HDHD3: variants seen among roughly 807,000 people sequenced by gnomAD.
HDHD3 encodes haloacid dehalogenase-like hydrolase domain-containing protein 3.
HDHD3 carries 6 observed loss-of-function variants against 6.9 expected under a neutral mutation model. The ratio of observed to expected loss-of-function variants is 0.87; its 90% CI spans 0.48 to 1.72. The LOEUF (loss-of-function observed/expected upper bound fraction) is 1.72, where lower values mean the gene tolerates loss of function less well. Ranked by LOEUF, HDHD3 falls within the 40% of genes most tolerant of loss-of-function variation. The pLI is 0.01. For synonymous variants in HDHD3, 139 were observed against 140.7 expected, an observed-to-expected ratio of 0.99 and a Z score of 0.08; for missense variants, 308 against 327.4, an observed-to-expected ratio of 0.94 and a Z score of 0.46.
Position 113,374,524 on chromosome 9 carries a change from A to C in HDHD3, c.-170T>G. 2.0e-6 allele frequency: 1 copy of C among 491,480 alleles called. No homozygotes were observed. The highest frequency in any genetic ancestry group is 3.4e-6 in the Non-Finnish European group (1 of 293,538). The allele number at this position is 491,480 out of a possible 1,614,324, so 30.4% of individuals were successfully genotyped here. ...CACTTGGGAAATGTCTTCACAGCACAAGATCCTAGAATGAAAAATAGCAGG... is the reference window on the plus strand; with the variant it reads ...CACTTGGGAAATGTCTTCACAGCACCAGATCCTAGAATGAAAAATAGCAGG... On this transcript the variant is annotated 5_prime_UTR_variant, in exon 3 of 3. Transcript: ENST00000374180.
intron 1 of HDHD3, among the ~76,000 whole-genome samples, chr9:113,376,376 G>C (rs1834463332): frequency 8.8e-6 from 1 of 113,774 alleles, no homozygotes; most frequent in Non-Finnish European, 1.7e-5. Context: ...TTTTGAGACA[G>C]AGTCTCACTC....
In HDHD3 at chr9:113,373,490, GGA is replaced by G; in HGVS notation, c.*107_*108del. On this transcript the variant is annotated 3_prime_UTR_variant, in exon 3 of 3. Coordinates refer to ENST00000374180, the MANE Select transcript of HDHD3 (RefSeq NM_001304509.2). ...TCACAGTAGGTGACAAAGGCCGCAG[GGA>G]GAGGGGGAAAGGTCCAGAGCTGTGG... is the stretch of plus-strand genomic sequence containing the variant. The G allele has an allele frequency of 1.6e-6, 2 of 1,219,580 alleles. No individual in the cohort carries two copies. The highest frequency in any genetic ancestry group is 4.7e-5 in the East Asian group (2 of 42,424). The allele number at this position is 1,219,580 out of a possible 1,614,324, so 75.5% of individuals were successfully genotyped here. A position where few individuals can be genotyped will look rare whatever the true frequency, so the allele number is the denominator to read the frequency against.
At chr9:113,375,275 A>C (rs1834432702) in intron 2 of HDHD3, among the ~76,000 whole-genome samples, 178 bp downstream of exon 2, 1 of 152,256 alleles carries the variant, frequency 6.6e-6, no homozygotes, top group South Asian at 2.1e-4. Context: ...GCAAGTGCAA[A>C]GGCCCTGAGG....
chr9:113,376,590 T>TTTCCCCCCCCCCCCCCCCC (rs137860074), intron 1 of HDHD3, 139 bp downstream of exon 1: 2 of 134,288 alleles, frequency 1.5e-5, no homozygotes, highest in African/African-American at 3.0e-5. Context: ...CTCGTGATCC[T>TTTCCCCCCCCCCCCCCCCC]CCCCCGCCCC....
chr9:113,373,534 C>T lies in HDHD3; in HGVS notation c.*65G>A. 1 of 1,483,754 alleles carries T rather than the reference C, an allele frequency of 6.7e-7. No individual in the cohort carries two copies. Among genetic ancestry groups the T allele is most frequent in the South Asian group, 1.4e-5 (1 of 74,028 alleles). 91.9% of individuals were successfully genotyped at this position (1,483,754 alleles called of 1,614,324 possible). On this transcript the variant is annotated 3_prime_UTR_variant, in exon 3 of 3. Coordinates refer to ENST00000374180, the MANE Select transcript of HDHD3 (RefSeq NM_001304509.2). ...GAGCTGTGGAGAAAGAAGGGGCTCC[C>T]TGTCTCCAGGGTTTGTTTAAGGTTT...
Sources: allele counts gnomAD v4.1 joint callset (sites outside exome capture counted in the v4.1 genomes callset), GRCh38; gene constraint gnomAD v4.1.1; transcripts MANE v1.5; gene names NCBI Gene and HGNC (gene_info 2026-07-23, HGNC 2026-07-21).